SEPTIN14: variants seen among roughly 807,000 people sequenced by gnomAD.
The protein encoded by SEPTIN14 is septin-14.
A neutral mutation model predicts 53.6 loss-of-function variants in SEPTIN14; 40 were observed. The ratio of observed to expected loss-of-function variants is 0.75; its 90% CI spans 0.58 to 0.97. The LOEUF (loss-of-function observed/expected upper bound fraction) is 0.97, where lower values mean the gene tolerates loss of function less well. SEPTIN14 is among the 50% of genes least tolerant of loss of function. SEPTIN14 has a pLI of 0.00. For missense variants in SEPTIN14, 471 were observed against 508.2 expected (o/e 0.93, Z 0.70); for synonymous variants, 138 against 166.8 (o/e 0.83, Z 1.33).
rs1307648711 is a variant in SEPTIN14 at position 55,795,676 on chromosome 7, C to T, written c.*237G>A. The T allele has an allele frequency of 8.5e-6, 4 of 472,722 alleles. No individual in the cohort carries two copies. The highest frequency in any genetic ancestry group is 1.5e-5 in the Non-Finnish European group (4 of 264,776). 29.3% of individuals were successfully genotyped at this position (472,722 alleles called of 1,614,324 possible). Reference sequence around the variant, plus strand: ...AGAGGCAGGGTTTCATCATTTTGGTCAGGCTGGTTTTGAACTCCTGACCTC... The same window carrying T: ...AGAGGCAGGGTTTCATCATTTTGGTTAGGCTGGTTTTGAACTCCTGACCTC... On this transcript the variant is annotated 3_prime_UTR_variant, in exon 10 of 10. Transcript: ENST00000388975.
At chr7:55,805,776 C>T (rs1235574600) in intron 8 of SEPTIN14, among the ~76,000 whole-genome samples, 2 of 152,176 alleles carry the variant, frequency 1.3e-5, no homozygotes, top group African/African-American at 4.8e-5. Context: ...ATCCCCACCA[C>T]TTTCCAGGAT....
chr7:55,811,655 C>T (rs553022788), intron 7 of SEPTIN14, among the ~76,000 whole-genome samples: 1 of 151,006 alleles, frequency 6.6e-6, no homozygotes, highest in African/African-American at 2.4e-5. Flanking sequence ...GCATGCACCA[C>T]CACGCCTGGT....
At chr7:55,803,882 T>C (rs2115957657) in intron 9 of SEPTIN14, among the ~76,000 whole-genome samples, 1 of 150,826 alleles carries the variant, frequency 6.6e-6, no homozygotes, top group South Asian at 2.1e-4. Context: ...CCCAGCACTT[T>C]GGGAGGCCGA....
chr7:55,846,565 C>G lies in SEPTIN14; in HGVS notation c.127G>C (p.Val43Leu). The change falls in exon 3 of 10, where the codon GTG becomes CTG. Residue 43 changes from valine to leucine, a missense_variant. Transcript: ENST00000388975. The part of the protein sequence containing the change: ...FGFECLPNQL[V>L]SRSIRQGFTF... ...AATCCTTGTCGGATAGATCTGCTCA[C>G]CAACTGATTGGGCAAACATTCAAAA... is the stretch of plus-strand genomic sequence containing the variant. The G allele has an allele frequency of 6.3e-7, 1 of 1,593,066 alleles. No individual in the cohort carries two copies. Among genetic ancestry groups the G allele is most frequent in the Non-Finnish European group, 8.6e-7 (1 of 1,163,008 alleles).
intron 2 of SEPTIN14, among the ~76,000 whole-genome samples, chr7:55,848,048 C>T (rs1363142510): frequency 1.3e-5 from 2 of 152,182 alleles, no homozygotes; most frequent in South Asian, 4.1e-4. Flanking sequence ...TTTAAATTAA[C>T]CCGCTTTAAA....
At chr7:55,807,668 G>A (rs1788630504) in intron 7 of SEPTIN14, among the ~76,000 whole-genome samples, 1 of 151,988 alleles carries the variant, frequency 6.6e-6, no homozygotes, top group Non-Finnish European at 1.5e-5. Context: ...TAGCAAAAAG[G>A]CCTTACAATT....
At chr7:55,810,297 C>CT (rs1788678534) in intron 7 of SEPTIN14, among the ~76,000 whole-genome samples, 2 of 151,580 alleles carry the variant, frequency 1.3e-5, no homozygotes, top group Admixed American at 6.6e-5. Context: ...CCCATTTTTC[C>CT]TTGTGTTATT....
At chr7:55,814,491 T>G (rs1396299350) in intron 7 of SEPTIN14, among the ~76,000 whole-genome samples, 1 of 152,180 alleles carries the variant, frequency 6.6e-6, no homozygotes, top group Non-Finnish European at 1.5e-5. Context: ...AGAATTCTAT[T>G]AGCATTATTA....
chr7:55,845,398 C>T (rs1789385899), intron 3 of SEPTIN14, among the ~76,000 whole-genome samples: 1 of 152,150 alleles, frequency 6.6e-6, no homozygotes, highest in Non-Finnish European at 1.5e-5. Flanking sequence ...AGATCATGTC[C>T]TTTGCAGGAA....
intron 9 of SEPTIN14, among the ~76,000 whole-genome samples, chr7:55,804,222 C>T (rs1482813497): frequency 8.0e-5 from 12 of 149,622 alleles, no homozygotes; most frequent in African/African-American, 2.9e-4. Context: ...TTGTATACAT[C>T]CAAACTTTTT....
chr7:55,797,130 G>GA (rs895110256), intron 9 of SEPTIN14, among the ~76,000 whole-genome samples: 13 of 147,934 alleles, frequency 8.8e-5, no homozygotes, highest in South Asian at 2.1e-4. Flanking sequence ...CTCAAAAAAA[G>GA]AAAAAAAAAG....
intron 9 of SEPTIN14, among the ~76,000 whole-genome samples, chr7:55,796,856 G>A (rs1788440080): frequency 6.6e-6 from 1 of 152,150 alleles, no homozygotes. Flanking sequence ...TGGGCGTGGT[G>A]GCTCACACCT....
intron 6 of SEPTIN14, among the ~76,000 whole-genome samples, chr7:55,828,500 T>A (rs1738057405): frequency 1.3e-5 from 2 of 152,078 alleles, no homozygotes; most frequent in Non-Finnish European, 2.9e-5. Flanking sequence ...GAGGTGGGGT[T>A]TCACCGTGTT....
At chr7:55,838,249 G>A (rs1789244068) in intron 5 of SEPTIN14, among the ~76,000 whole-genome samples, 1 of 152,120 alleles carries the variant, frequency 6.6e-6, no homozygotes, top group Non-Finnish European at 1.5e-5. Context: ...TTTCTTAGCT[G>A]TTTCTATATA....
At chr7:55,821,059 T>G (rs1400830191) in intron 6 of SEPTIN14, among the ~76,000 whole-genome samples, 1 of 152,226 alleles carries the variant, frequency 6.6e-6, no homozygotes, top group Non-Finnish European at 1.5e-5. Flanking sequence ...ACTGCCCTGA[T>G]TCCAGAACCA....
At chr7:55,858,726 C>G (rs1360501870) in intron 2 of SEPTIN14, among the ~76,000 whole-genome samples, 1 of 152,130 alleles carries the variant, frequency 6.6e-6, no homozygotes, top group Non-Finnish European at 1.5e-5. Context: ...ATCGCTTGAA[C>G]TCAGGAGGCA....
intron 6 of SEPTIN14, among the ~76,000 whole-genome samples, chr7:55,826,783 G>C (rs184889042): frequency 7.0e-6 from 1 of 143,634 alleles, no homozygotes; most frequent in Non-Finnish European, 1.5e-5. Flanking sequence ...GGCAACAAGA[G>C]TAAAACACTG....
At chr7:55,830,350 T>TATATATATATATATATA (rs1554330088) in intron 6 of SEPTIN14, among the ~76,000 whole-genome samples, 2 of 14,620 alleles carry the variant, frequency 1.4e-4, no homozygotes, top group African/African-American at 7.7e-4. Context: ...TATATATATA[T>TATATATATATATATATA]TTTTTTTTTT....
At chr7:55,819,408 C>T (rs376076520) in intron 6 of SEPTIN14, among the ~76,000 whole-genome samples, 185 bp from the exon 7 acceptor site, 6 of 151,986 alleles carry the variant, frequency 3.9e-5, no homozygotes, top group African/African-American at 7.3e-5. Flanking sequence ...GCTATCATGG[C>T]GGAACCCCAT....
Sources: allele counts gnomAD v4.1 joint callset (sites outside exome capture counted in the v4.1 genomes callset), GRCh38; gene constraint gnomAD v4.1.1; transcripts MANE v1.5; gene names NCBI Gene and HGNC (gene_info 2026-07-23, HGNC 2026-07-21).